Variants in MTA3 observed in about 807,000 individuals in gnomAD.
MTA3 encodes metastasis-associated protein MTA3.
MTA3 carries 34 observed loss-of-function variants against 83.5 expected under a neutral mutation model. That is an observed-to-expected ratio of 0.41 (90% CI 0.31 to 0.54). The LOEUF is 0.54. Ranked by LOEUF, MTA3 falls within the 20% of genes least tolerant of loss-of-function variation. The probability of loss-of-function intolerance (pLI) is 0.33; values close to 1 mark genes in which losing one functional copy is unlikely to be tolerated. For synonymous variants in MTA3, 303 were observed against 252.7 expected (o/e 1.20, Z -1.89); for missense variants, 761 against 726.4 (o/e 1.05, Z -0.55).
chr2:42,657,783 A>G (rs1215418473), intron 7 of MTA3, among the ~76,000 whole-genome samples: 14 of 123,812 alleles, frequency 1.1e-4, no homozygotes, highest in African/African-American at 3.7e-4. Flanking sequence ...AAAAAAAAAA[A>G]GGGCCCGGCA....
In MTA3 at chr2:42,577,123, T is replaced by C. The variant is rs1302081718; in HGVS notation, c.97-1984T>C. Among the ~76,000 whole-genome samples, 4 of 112,554 alleles carry C rather than the reference T, an allele frequency of 3.6e-5. No homozygotes were observed. The Admixed American group carries it at 3.9e-4, about 11-fold the overall frequency. The allele number at this position is 112,554 out of a possible 152,430, so 73.8% of individuals were successfully genotyped here. ...AAAAAAAAATATATATATATATATA[T>C]ATATATATATAAAAATGAACTCTTA... On this transcript the variant is annotated intron_variant, in intron 2 of 16. Transcript: ENST00000405094.
At chr2:42,616,283 G>A (rs1684876140) in intron 4 of MTA3, among the ~76,000 whole-genome samples, 1 of 151,448 alleles carries the variant, frequency 6.6e-6, no homozygotes, top group Non-Finnish European at 1.5e-5. Context: ...GGCTGGCCTC[G>A]AACTCCTGAC....
intron 3 of MTA3, among the ~76,000 whole-genome samples, chr2:42,582,300 T>G (rs1388351827): frequency 2.6e-5 from 4 of 152,154 alleles, no homozygotes; most frequent in Non-Finnish European, 5.9e-5. Context: ...CCTCGTGATC[T>G]GCCTGCCTTG....
At chr2:42,710,618 A>G (rs1244405349) in intron 14 of MTA3, among the ~76,000 whole-genome samples, 1 of 151,422 alleles carries the variant, frequency 6.6e-6, no homozygotes, top group African/African-American at 2.4e-5. Context: ...GGGGATTACT[A>G]TATTAGATTC....
At chr2:42,601,712 C>A (rs1378229934) in intron 3 of MTA3, among the ~76,000 whole-genome samples, 1 of 151,754 alleles carries the variant, frequency 6.6e-6, no homozygotes, top group Non-Finnish European at 1.5e-5. Context: ...CAGAGTCTTG[C>A]AGTGCTGCCC....
intron 8 of MTA3, among the ~76,000 whole-genome samples, chr2:42,664,058 C>T (rs1180272287): frequency 6.6e-6 from 1 of 152,158 alleles, no homozygotes; most frequent in East Asian, 1.9e-4. Flanking sequence ...GTAGTTATCT[C>T]TCCTCTGTCA....
chr2:42,688,290 C>T (rs976944288), intron 9 of MTA3, among the ~76,000 whole-genome samples: 4 of 152,190 alleles, frequency 2.6e-5, no homozygotes, highest in African/African-American at 7.2e-5. Flanking sequence ...CACCATGCTA[C>T]CCAGGCTGGT....
rs762382439 is a variant in MTA3 at position 42,708,889 on chromosome 2, A to G, written c.1318A>G (p.Ser440Gly). 6.2e-7 allele frequency: 1 copy of G among 1,613,972 alleles called. No individual in the cohort carries two copies. ...GATTTTGCAGGACCCTCGTGTTAGAAGTCACGTGTCCCGCCAGGCCATGCA... is the reference window on the plus strand; with the variant it reads ...GATTTTGCAGGACCCTCGTGTTAGAGGTCACGTGTCCCGCCAGGCCATGCA... ...SPTTEDPRVR[S>G]HVSRQAMQGM... The change falls in exon 14 of 17, where the codon AGT (serine) becomes GGT (glycine). Residue 440 changes from serine (S) to glycine (G), a missense_variant. By Grantham distance (56) the Ser-to-Gly change is moderately conservative (BLOSUM62 0). Coordinates refer to ENST00000405094, the MANE Select transcript of MTA3 (RefSeq NM_001330442.2).
At chr2:42,626,880 A>G (rs960738309) in intron 4 of MTA3, among the ~76,000 whole-genome samples, 3 of 151,664 alleles carry the variant, frequency 2.0e-5, no homozygotes, top group African/African-American at 7.3e-5. Flanking sequence ...AGTTGGGATT[A>G]CAGGCCTACC....
chr2:42,679,833 G>A (rs1156456977), intron 8 of MTA3, among the ~76,000 whole-genome samples: 1 of 146,910 alleles, frequency 6.8e-6, no homozygotes, highest in Non-Finnish European at 1.5e-5. Context: ...TTAGATGGCT[G>A]TGTGTTGTTT....
At chr2:42,555,440 A>G (rs1300912298) in intron 2 of MTA3, among the ~76,000 whole-genome samples, 1 of 112,462 alleles carries the variant, frequency 8.9e-6, no homozygotes, top group East Asian at 2.8e-4. Flanking sequence ...GGGCAACAAG[A>G]GCGAAACTCC....
intron 16 of MTA3, chr2:42,752,098 A>G (rs1032437046): frequency 1.1e-5 from 5 of 446,420 alleles, no homozygotes; most frequent in Non-Finnish European, 2.3e-5. Flanking sequence ...TAAGGTAGTT[A>G]CATAACCTAC....
In MTA3 at chr2:42,609,592, C is replaced by G. The variant is rs375896899; in HGVS notation, c.317+8C>G. 4 of 1,612,762 alleles carry G rather than the reference C, an allele frequency of 2.5e-6. No individual in the cohort carries two copies. The East Asian group carries it at 6.7e-5, about 27-fold the overall frequency. ...GCCCGCAACACATATCAGGTAAGAA[C>G]TTTTTAGGAACTAAGGTACTCAGTA... On this transcript the variant is annotated splice_region_variant and intron_variant, in intron 4 of 16. Coordinates refer to ENST00000405094, the MANE Select transcript of MTA3 (RefSeq NM_001330442.2).
At chr2:42,496,834 ATCTCTAT>A (rs1558396672) in intron 2 of MTA3, among the ~76,000 whole-genome samples, 1 of 152,044 alleles carries the variant, frequency 6.6e-6, no homozygotes, top group East Asian at 1.9e-4. Flanking sequence ...GTTCTTTCCT[ATCTCTAT>A]GAATTCTGAA....
At chr2:42,538,347 A>C (rs1676349790) in intron 2 of MTA3, among the ~76,000 whole-genome samples, 1 of 152,152 alleles carries the variant, frequency 6.6e-6, no homozygotes, top group Non-Finnish European at 1.5e-5. Flanking sequence ...ATGGGTGTTC[A>C]TTATCTTGTT....
At chr2:42,720,504 G>T (rs575512126) in intron 15 of MTA3, among the ~76,000 whole-genome samples, 34 of 152,148 alleles carry the variant, frequency 2.2e-4, no homozygotes, top group African/African-American at 7.9e-4. Flanking sequence ...TTTCTCAGGG[G>T]TTAAAGAGTT....
At chr2:42,710,549 C>CAAAAA (rs765315082) in intron 14 of MTA3, among the ~76,000 whole-genome samples, 473 of 60,294 alleles carry the variant, frequency 7.8e-3, no homozygotes, top group Non-Finnish European at 9.1e-3. Context: ...AACTTCATCT[C>CAAAAA]AAAAAAAAAA....
intron 4 of MTA3, among the ~76,000 whole-genome samples, chr2:42,639,162 G>A (rs1687473429): frequency 6.6e-6 from 1 of 151,458 alleles, no homozygotes; most frequent in Non-Finnish European, 1.5e-5. Context: ...TGGGGTTCAA[G>A]CGATTCTCCT....
At chr2:42,650,704 C>T (rs368843623) in intron 6 of MTA3, among the ~76,000 whole-genome samples, 2 of 152,188 alleles carry the variant, frequency 1.3e-5, no homozygotes, top group Non-Finnish European at 1.5e-5. Flanking sequence ...GCTGGGATTA[C>T]AGGCATGAGC....
Sources: gnomAD v4.1 joint callset for allele counts (sites outside exome capture counted in the v4.1 genomes callset) on GRCh38, gnomAD v4.1.1 for gene constraint, MANE v1.5 for transcripts, NCBI Gene and HGNC (gene_info 2026-07-23, HGNC 2026-07-21) for gene names.